The following DACH2 variants were observed in gnomAD, a reference collection of about 807,000 sequenced individuals.
The protein encoded by DACH2 is dachshund homolog 2.
DACH2 carries 17 observed loss-of-function variants against 35.8 expected under a neutral mutation model. The ratio of observed to expected loss-of-function variants is 0.48; its 90% confidence interval spans 0.33 to 0.71. The LOEUF is 0.71. Among genes scored for constraint, DACH2 ranks in the 30% least tolerant of loss-of-function variants. The probability of loss-of-function intolerance (pLI) is 0.02; values close to 1 mark genes in which losing one functional copy is unlikely to be tolerated. For missense variants in DACH2, 469 were observed against 472.7 expected (o/e 0.99, Z 0.07); for synonymous variants, 195 against 177.3 (o/e 1.10, Z -0.79).
chrX:86,647,907 A>G (rs2040434268), intron 3 of DACH2, among the ~76,000 whole-genome samples: 1 of 111,112 alleles, frequency 9.0e-6, no homozygotes, highest in Non-Finnish European at 1.9e-5. Context: ...ATATGTTTAA[A>G]TTATAAAAAG....
chrX:86,160,319 G>A, intron 1 of DACH2: 1 of 1,059,050 alleles, frequency 9.4e-7, no homozygotes, highest in Non-Finnish European at 1.3e-6. Context: ...GACACCCACA[G>A]CAACTGTCTG....
intron 1 of DACH2, among the ~76,000 whole-genome samples, chrX:86,249,480 G>T (rs1490101071): frequency 9.0e-6 from 1 of 111,586 alleles, no homozygotes; most frequent in Non-Finnish European, 1.9e-5. Flanking sequence ...CTAGAGAAAT[G>T]TAAATTAAAA....
At chrX:86,326,948 C>T (rs2035126789) in intron 1 of DACH2, among the ~76,000 whole-genome samples, 1 of 111,460 alleles carries the variant, frequency 9.0e-6, no homozygotes, top group African/African-American at 3.3e-5. Flanking sequence ...ATCCATCCAC[C>T]CATCTACTCA....
intron 3 of DACH2, among the ~76,000 whole-genome samples, chrX:86,582,506 A>C (rs2039514457): frequency 9.0e-6 from 1 of 111,579 alleles, no homozygotes; most frequent in African/African-American, 3.3e-5. Context: ...ACAATCAGAA[A>C]TGATAAAGTC....
chrX:86,244,248 GA>G (rs1438295920), intron 1 of DACH2, among the ~76,000 whole-genome samples: 1 of 111,904 alleles, frequency 8.9e-6, no homozygotes, highest in Admixed American at 9.5e-5. Flanking sequence ...TTGAACAGGG[GA>G]CAAAAGCCTT....
intron 4 of DACH2, among the ~76,000 whole-genome samples, chrX:86,663,404 G>A (rs2148416642): frequency 8.9e-6 from 1 of 111,903 alleles, no homozygotes; most frequent in African/African-American, 3.2e-5. Flanking sequence ...CATCTCTTAG[G>A]ATGTGTTTAA....
intron 1 of DACH2, among the ~76,000 whole-genome samples, chrX:86,349,210 A>T: frequency 9.0e-6 from 1 of 111,081 alleles, no homozygotes; most frequent in South Asian, 3.8e-4. Context: ...ATGGAGTGGG[A>T]AAGTGATTTT....
At chrX:86,151,960 C>T (rs1380950268) in intron 1 of DACH2, among the ~76,000 whole-genome samples, 1 of 110,716 alleles carries the variant, frequency 9.0e-6, no homozygotes, top group Non-Finnish European at 1.9e-5. Context: ...TAGAGATGCC[C>T]CAAGATGAGT....
At chrX:86,159,450 CTG>C (rs1440883976) in intron 1 of DACH2, among the ~76,000 whole-genome samples, 1 of 111,711 alleles carries the variant, frequency 9.0e-6, no homozygotes, top group Non-Finnish European at 1.9e-5. Flanking sequence ...GTAGAAAAAT[CTG>C]TGAGTTCCCT....
chrX:86,537,369 A>T (rs945642671), intron 3 of DACH2, among the ~76,000 whole-genome samples: 2 of 111,269 alleles, frequency 1.8e-5, no homozygotes, highest in Non-Finnish European at 3.8e-5. Context: ...TGGGAAGGGC[A>T]GCACCAGTAA....
intron 1 of DACH2, chrX:86,184,362 C>T (rs1387480306): frequency 7.6e-6 from 1 of 131,306 alleles, no homozygotes; most frequent in Non-Finnish European, 1.5e-5. Flanking sequence ...TACATGCCAC[C>T]ATGCCTGGCT....
At chrX:86,170,595 A>G (rs1271908027) in intron 1 of DACH2, among the ~76,000 whole-genome samples, 5 of 112,006 alleles carry the variant, frequency 4.5e-5, no homozygotes, top group South Asian at 3.7e-4. Flanking sequence ...CCCTTTGCCA[A>G]TGCAAAGGAG....
rs2041080189 is a variant in DACH2 at position 86,697,416 on chromosome X, A to T, written c.931+2237A>T. ...CAGCCAGATCAGCATAAAACCTATC[A>T]CCAAAGGCCTATTTACTTCAGTCTC... On this transcript the variant is annotated intron_variant, in intron 5 of 11. Coordinates refer to ENST00000373125, the MANE Select transcript of DACH2 (RefSeq NM_053281.3). Among the ~76,000 whole-genome samples, 3 of 110,852 alleles carry T rather than the reference A, an allele frequency of 2.7e-5. No homozygotes were observed. In the South Asian group the frequency reaches 1.1e-3, roughly 42 times the overall value.
At chrX:86,459,191 A>G (rs762905272) in intron 2 of DACH2, among the ~76,000 whole-genome samples, 104 of 111,372 alleles carry the variant, frequency 9.3e-4, no homozygotes, top group African/African-American at 3.2e-3. Context: ...TTGCTCTTCT[A>G]TTGTTTTATA....
At position 86,770,318 on chromosome X, in the gene DACH2, C is replaced by A. The variant is rs190046072; in HGVS notation, c.1240+30436C>A. ...CCTAATTTCAATGTGTTGAAGGATA[C>A]TTAAGTGCTAGACACCTTAGTTCAG... On this transcript the variant is annotated intron_variant, in intron 7 of 11. Transcript: ENST00000373125. Among the ~76,000 whole-genome samples, 8 of 111,658 alleles carry A rather than the reference C, an allele frequency of 7.2e-5. No homozygotes were observed. In the Admixed American group the frequency reaches 7.6e-4, roughly 11 times the overall value.
At chrX:86,509,659 G>T (rs888854429) in intron 2 of DACH2, among the ~76,000 whole-genome samples, 4 of 111,783 alleles carry the variant, frequency 3.6e-5, no homozygotes, top group African/African-American at 1.3e-4. Context: ...AGACCTAAGA[G>T]ATTTTTATTA....
intron 3 of DACH2, among the ~76,000 whole-genome samples, chrX:86,619,522 ATAAGGAAG>A (rs2040045210): frequency 8.9e-6 from 1 of 112,155 alleles, no homozygotes; most frequent in Admixed American, 9.5e-5. Context: ...TTTTCTATTT[ATAAGGAAG>A]TAACTATTCT....
At chrX:86,412,377 T>C (rs928885041) in intron 2 of DACH2, among the ~76,000 whole-genome samples, 1 of 111,555 alleles carries the variant, frequency 9.0e-6, no homozygotes, top group Non-Finnish European at 1.9e-5. Flanking sequence ...CAGTAACATA[T>C]ATTGGATGCT....
chrX:86,487,067 A>G (rs1293237839), intron 2 of DACH2, among the ~76,000 whole-genome samples: 1 of 111,739 alleles, frequency 8.9e-6, no homozygotes, highest in Non-Finnish European at 1.9e-5. Context: ...ACCAGAATAT[A>G]TAGACACCAA....
Sources: allele counts gnomAD v4.1 joint callset (sites outside exome capture counted in the v4.1 genomes callset), GRCh38; gene constraint gnomAD v4.1.1; transcripts MANE v1.5; gene names NCBI Gene and HGNC (gene_info 2026-07-23, HGNC 2026-07-21).